The following CSTA variants were observed in gnomAD, a reference collection of about 807,000 sequenced individuals.
The protein encoded by CSTA is cystatin A.
In CSTA, 9 loss-of-function variants were observed where a neutral mutation model predicts 9.2. The ratio of observed to expected loss-of-function variants is 0.97; its 90% CI spans 0.59 to 1.70. The LOEUF is 1.70. Ranked by LOEUF, CSTA falls within the 40% of genes most tolerant of loss-of-function variation. The probability of loss-of-function intolerance (pLI) is 0.00; values close to 1 mark genes in which losing one functional copy is unlikely to be tolerated. For synonymous variants in CSTA, 36 were observed against 40.6 expected, an observed-to-expected ratio of 0.89 and a Z score of 0.43; for missense variants, 118 against 113.1, an observed-to-expected ratio of 1.04 and a Z score of -0.20.
intron 1 of CSTA, among the ~76,000 whole-genome samples, chr3:122,328,152 G>A (rs2075181266): frequency 6.6e-6 from 1 of 152,160 alleles, no homozygotes; most frequent in Non-Finnish European, 1.5e-5. Flanking sequence ...AGCAGGCAGG[G>A]AAGATATTGT....
At chr3:122,338,828 C>T (rs2075249463) in intron 2 of CSTA, among the ~76,000 whole-genome samples, 1 of 152,172 alleles carries the variant, frequency 6.6e-6, no homozygotes, top group African/African-American at 2.4e-5. Flanking sequence ...ATAAATTTCA[C>T]ATATTACCAG....
intron 2 of CSTA, among the ~76,000 whole-genome samples, chr3:122,338,844 A>G (rs1405275395): frequency 2.0e-5 from 3 of 152,182 alleles, no homozygotes; most frequent in African/African-American, 7.2e-5. Context: ...ACCAGCTCAC[A>G]TGTTTCTTCA....
At chr3:122,339,581 G>A (rs930699815) in intron 2 of CSTA, among the ~76,000 whole-genome samples, 1 of 152,156 alleles carries the variant, frequency 6.6e-6, no homozygotes, top group Admixed American at 6.5e-5. Flanking sequence ...GGCCTGGTGT[G>A]GTGGCTTATA....
At chr3:122,326,935 G>A (rs1304060731) in intron 1 of CSTA, among the ~76,000 whole-genome samples, 1 of 152,176 alleles carries the variant, frequency 6.6e-6, no homozygotes, top group Non-Finnish European at 1.5e-5. Context: ...AGTGGGAGAT[G>A]GGGCTTTAAA....
At chr3:122,331,916 T>C (rs2075206836) in intron 1 of CSTA, among the ~76,000 whole-genome samples, 1 of 152,208 alleles carries the variant, frequency 6.6e-6, no homozygotes, top group Admixed American at 6.5e-5. Flanking sequence ...AGTTTTGGGA[T>C]GAAGCTGTTC....
chr3:122,326,354 T>C (rs1250954308), intron 1 of CSTA, among the ~76,000 whole-genome samples: 1 of 152,262 alleles, frequency 6.6e-6, no homozygotes, highest in African/African-American at 2.4e-5. Flanking sequence ...CTTTGTGTGA[T>C]TAGCTATCAT....
chr3:122,332,485 A>G (rs1262038854), intron 1 of CSTA, among the ~76,000 whole-genome samples: 1 of 151,982 alleles, frequency 6.6e-6, no homozygotes, highest in Non-Finnish European at 1.5e-5. Context: ...CTTTCTATCT[A>G]TTTTCTATTA....
At chr3:122,338,931 A>G (rs1449384094) in intron 2 of CSTA, among the ~76,000 whole-genome samples, 1 of 151,950 alleles carries the variant, frequency 6.6e-6, no homozygotes, top group Non-Finnish European at 1.5e-5. Flanking sequence ...CCCTCTCTTA[A>G]TCAGTCTCCT....
At chr3:122,328,637 G>A (rs931354027) in intron 1 of CSTA, among the ~76,000 whole-genome samples, 1 of 152,000 alleles carries the variant, frequency 6.6e-6, no homozygotes, top group South Asian at 2.1e-4. Flanking sequence ...TGAATGGAGA[G>A]AGTGTGGTAA....
At chr3:122,336,031 C>T (rs2075235572) in intron 1 of CSTA, among the ~76,000 whole-genome samples, 1 of 151,882 alleles carries the variant, frequency 6.6e-6, no homozygotes, top group South Asian at 2.1e-4. Context: ...TATATAATGA[C>T]ACACAGATAA....
At chr3:122,332,799 G>T (rs2075211913) in intron 1 of CSTA, among the ~76,000 whole-genome samples, 1 of 152,204 alleles carries the variant, frequency 6.6e-6, no homozygotes, top group South Asian at 2.1e-4. Flanking sequence ...GCATTCAGCA[G>T]GAGATGTGTC....
intron 2 of CSTA, among the ~76,000 whole-genome samples, chr3:122,338,620 G>A (rs953615124): frequency 1.1e-4 from 16 of 151,898 alleles, no homozygotes; most frequent in South Asian, 2.1e-4. Context: ...TCCTAGTAAC[G>A]ACCAGGTCCC....
At chr3:122,333,366 C>G (rs1440589095) in intron 1 of CSTA, among the ~76,000 whole-genome samples, 1 of 151,982 alleles carries the variant, frequency 6.6e-6, no homozygotes, top group Non-Finnish European at 1.5e-5. Flanking sequence ...AAAAAATTAG[C>G]TGGGAGTGGT....
chr3:122,338,603 T>A (rs2075248713), intron 2 of CSTA, among the ~76,000 whole-genome samples: 1 of 151,482 alleles, frequency 6.6e-6, no homozygotes, highest in African/African-American at 2.4e-5. Flanking sequence ...TTCTGCCAAA[T>A]GTGAGCTCCT....
chr3:122,333,550 A>AGAAAGAAAGAAAGAAG (rs71632695), intron 1 of CSTA, among the ~76,000 whole-genome samples: 8 of 108,964 alleles, frequency 7.3e-5, no homozygotes, highest in Non-Finnish European at 1.6e-4. Flanking sequence ...GAAGAAAGAA[A>AGAAAGAAAGAAAGAAG]GAAAGAAAGA....
intron 1 of CSTA, among the ~76,000 whole-genome samples, chr3:122,335,475 T>C (rs766367541): frequency 3.7e-4 from 56 of 152,328 alleles, no homozygotes; most frequent in Non-Finnish European, 4.6e-4. Flanking sequence ...AATTATTTTA[T>C]GTATATGCTA....
rs1335879526 is a variant in CSTA, at chr3:122,341,447, A to T, written c.177A>T (p.Ala59=). The T allele has an allele frequency of 6.2e-7, 1 of 1,613,934 alleles. No individual in the cohort carries two copies. Among genetic ancestry groups the T allele is most frequent in the Non-Finnish European group, 8.5e-7 (1 of 1,179,918 alleles). ...AGTNYYIKVR[A]GDNKYMHLKV... ...TCTTTAATATTTTTCAGGTACGAGC[A>T]GGTGATAATAAATATATGCACTTGA... Residue 59 remains alanine, a synonymous_variant, in exon 3 of 3, where the codon GCA becomes GCT. Transcript: ENST00000264474.
chr3:122,338,069 A>G (rs2075245405), intron 2 of CSTA: 1 of 158,792 alleles, frequency 6.3e-6, no homozygotes, highest in Non-Finnish European at 1.4e-5. Context: ...TAAAGTAACG[A>G]CTCAAATCAT....
intron 1 of CSTA, among the ~76,000 whole-genome samples, chr3:122,333,544 A>AAAGG (rs1553772161): frequency 2.6e-5 from 1 of 37,906 alleles, no homozygotes; most frequent in African/African-American, 1.8e-4. Flanking sequence ...AAGAAAGAAG[A>AAAGG]AAGAAAGAAA....
Sources: gnomAD v4.1 joint callset for allele counts (sites outside exome capture counted in the v4.1 genomes callset) on GRCh38, gnomAD v4.1.1 for gene constraint, MANE v1.5 for transcripts, NCBI Gene and HGNC (gene_info 2026-07-23, HGNC 2026-07-21) for gene names.